CTNND2: variants seen among roughly 807,000 people sequenced by gnomAD.
The protein encoded by CTNND2 is catenin delta-2.
In CTNND2, 22 loss-of-function variants were observed where a neutral mutation model predicts 144.4. The observed-to-expected ratio is 0.15, with a 90% CI of 0.11 to 0.22. The LOEUF is 0.22. Ranked by LOEUF, CTNND2 falls within the 10% of genes least tolerant of loss-of-function variation. The pLI, the probability that CTNND2 is intolerant of heterozygous loss-of-function variation, is 1.00. For synonymous variants in CTNND2, 751 were observed against 695.6 expected, an observed-to-expected ratio of 1.08 and a Z score of -1.25; for missense variants, 1,353 against 1,618.8, an observed-to-expected ratio of 0.84 and a Z score of 2.82.
intron 2 of CTNND2, among the ~76,000 whole-genome samples, chr5:11,572,939 T>C (rs1777687144): frequency 6.6e-6 from 1 of 152,194 alleles, no homozygotes; most frequent in Non-Finnish European, 1.5e-5. Context: ...AAGTATTTAA[T>C]TAGAAAGCAG....
chr5:11,551,035 C>T (rs1464913263), intron 3 of CTNND2, among the ~76,000 whole-genome samples: 1 of 152,146 alleles, frequency 6.6e-6, no homozygotes, highest in Non-Finnish European at 1.5e-5. Flanking sequence ...TGGGTAAGGC[C>T]ACCCTCTCTA....
At chr5:11,442,080 T>A (rs1451137780) in intron 3 of CTNND2, among the ~76,000 whole-genome samples, 1 of 152,152 alleles carries the variant, frequency 6.6e-6, no homozygotes, top group Admixed American at 6.5e-5. Flanking sequence ...ATAGAAAAAA[T>A]TTAGAAATTC....
chr5:10,984,089 C>T (rs1174024991), intron 20 of CTNND2, among the ~76,000 whole-genome samples: 3 of 152,170 alleles, frequency 2.0e-5, no homozygotes, highest in Non-Finnish European at 2.9e-5. Flanking sequence ...TTACCCTGAT[C>T]AGTTTCTTCT....
intron 8 of CTNND2, among the ~76,000 whole-genome samples, chr5:11,354,414 G>C (rs1240095068): frequency 6.6e-6 from 1 of 152,192 alleles, no homozygotes; most frequent in Non-Finnish European, 1.5e-5. Flanking sequence ...CTGGCTAAGG[G>C]CCTTAAATTA....
At chr5:11,263,665 T>A (rs191206372) in intron 9 of CTNND2, among the ~76,000 whole-genome samples, 1 of 152,318 alleles carries the variant, frequency 6.6e-6, no homozygotes. Context: ...AAATATATCT[T>A]TGTATTTTCC....
At chr5:11,492,371 G>A (rs1258344641) in intron 3 of CTNND2, among the ~76,000 whole-genome samples, 1 of 151,884 alleles carries the variant, frequency 6.6e-6, no homozygotes, top group Non-Finnish European at 1.5e-5. Flanking sequence ...CAGTAGTGTG[G>A]GTGTGTCTTA....
chr5:11,388,199 T>C (rs1244369466), intron 6 of CTNND2, among the ~76,000 whole-genome samples: 1 of 152,244 alleles, frequency 6.6e-6, no homozygotes, highest in Non-Finnish European at 1.5e-5. Flanking sequence ...GTCCACTGTG[T>C]ACTAAAATGC....
chr5:11,016,933 C>A (rs1741669153), intron 18 of CTNND2, among the ~76,000 whole-genome samples: 1 of 150,550 alleles, frequency 6.6e-6, no homozygotes, highest in Non-Finnish European at 1.5e-5. Flanking sequence ...CCACGCCGAG[C>A]TTTTTATTTT....
intron 2 of CTNND2, among the ~76,000 whole-genome samples, chr5:11,672,631 G>C (rs1385216924): frequency 6.6e-6 from 1 of 152,122 alleles, no homozygotes; most frequent in Non-Finnish European, 1.5e-5. Flanking sequence ...CCCCAACCAA[G>C]CTTGAGCATC....
chr5:11,275,797 T>C (rs1394144402), intron 9 of CTNND2, among the ~76,000 whole-genome samples: 1 of 152,216 alleles, frequency 6.6e-6, no homozygotes, highest in East Asian at 1.9e-4. Context: ...TTTGTGCCAA[T>C]CCATGGGGGA....
intron 2 of CTNND2, among the ~76,000 whole-genome samples, chr5:11,572,483 T>G (rs763461329): frequency 1.2e-4 from 18 of 152,142 alleles, no homozygotes; most frequent in Non-Finnish European, 1.2e-4. Flanking sequence ...CTACTCAACC[T>G]TCTTGGGGAG....
At chr5:11,278,192 C>A (rs576099104) in intron 9 of CTNND2, among the ~76,000 whole-genome samples, 1 of 152,182 alleles carries the variant, frequency 6.6e-6, no homozygotes, top group Non-Finnish European at 1.5e-5. Flanking sequence ...TGCTTCTCTA[C>A]AGTCGCCATT....
chr5:11,302,777 G>A lies in CTNND2; in HGVS notation c.1628+43595C>T, dbSNP rs529051903. Among the ~76,000 whole-genome samples, 3 of 152,210 alleles carry A rather than the reference G, an allele frequency of 2.0e-5. No homozygotes were observed. In the South Asian group the frequency reaches 6.2e-4, roughly 32 times the overall value. On this transcript the variant is annotated intron_variant, in intron 9 of 21. Coordinates refer to ENST00000304623, the MANE Select transcript of CTNND2 (RefSeq NM_001332.4). ...CAGCTGGCAGGAAAATGATCTCCTG[G>A]GCAAATAGAGGATGTAAATAAATGT...
At chr5:11,101,884 CATAT>C (rs1384407455) in intron 14 of CTNND2, among the ~76,000 whole-genome samples, 1 of 88,498 alleles carries the variant, frequency 1.1e-5, no homozygotes, top group African/African-American at 5.0e-5. Flanking sequence ...ATGACGACCA[CATAT>C]GTGTGTGTGT....
intron 2 of CTNND2, among the ~76,000 whole-genome samples, chr5:11,704,919 C>T (rs907285204): frequency 2.6e-5 from 4 of 151,540 alleles, no homozygotes; most frequent in African/African-American, 9.7e-5. Flanking sequence ...TGAAACTAAA[C>T]TAAGGACACA....
chr5:11,028,625 T>G (rs1427001039), intron 16 of CTNND2, among the ~76,000 whole-genome samples: 1 of 152,184 alleles, frequency 6.6e-6, no homozygotes, highest in Non-Finnish European at 1.5e-5. Context: ...TCATAAAGGA[T>G]TTGTCTTTTT....
chr5:11,801,874 T>A (rs138741940), intron 1 of CTNND2, among the ~76,000 whole-genome samples: 24 of 152,326 alleles, frequency 1.6e-4, no homozygotes, highest in African/African-American at 4.6e-4. Context: ...CTTGATCCTA[T>A]AATATTTGGA....
chr5:11,818,390 T>C (rs1443677704), intron 1 of CTNND2, among the ~76,000 whole-genome samples: 1 of 151,912 alleles, frequency 6.6e-6, no homozygotes, highest in East Asian at 1.9e-4. Context: ...TCTTTTCTTT[T>C]TTTTTTTCCT....
chr5:11,673,128 G>T (rs1276463968), intron 2 of CTNND2, among the ~76,000 whole-genome samples: 3 of 152,074 alleles, frequency 2.0e-5, no homozygotes, highest in South Asian at 2.1e-4. Flanking sequence ...AATACTCATG[G>T]GTTTTACAAT....
Sources: gnomAD v4.1 joint callset for allele counts (sites outside exome capture counted in the v4.1 genomes callset) on GRCh38, gnomAD v4.1.1 for gene constraint, MANE v1.5 for transcripts, NCBI Gene and HGNC (gene_info 2026-07-23, HGNC 2026-07-21) for gene names.